The following CTNNA3 variants were observed in gnomAD, a reference collection of about 807,000 sequenced individuals.
The protein encoded by CTNNA3 is catenin alpha-3.
Under a neutral mutation model 95.7 loss-of-function variants are expected in CTNNA3, and 76 were observed. The ratio of observed to expected loss-of-function variants is 0.79; its 90% confidence interval spans 0.66 to 0.96. CTNNA3 has a LOEUF of 0.96. CTNNA3 is among the 40% of genes least tolerant of loss of function. The probability of loss-of-function intolerance (pLI) is 0.00; values close to 1 mark genes in which losing one functional copy is unlikely to be tolerated. For synonymous variants in CTNNA3, 431 were observed against 374.4 expected (o/e 1.15, Z -1.74); for missense variants, 1,191 against 1,089.8 (o/e 1.09, Z -1.31).
At chr10:66,978,592 T>C (rs1850222650) in intron 7 of CTNNA3, among the ~76,000 whole-genome samples, 1 of 140,908 alleles carries the variant, frequency 7.1e-6, no homozygotes, top group Non-Finnish European at 1.5e-5. Context: ...CTTAATATTT[T>C]TAAGGGAGTA....
intron 3 of CTNNA3, among the ~76,000 whole-genome samples, chr10:67,573,790 T>C (rs1034311794): frequency 2.0e-5 from 3 of 150,246 alleles, no homozygotes; most frequent in South Asian, 2.2e-4. Flanking sequence ...TAATACATTA[T>C]CACAATTAAA....
At chr10:67,577,516 A>G (rs1477378322) in intron 3 of CTNNA3, among the ~76,000 whole-genome samples, 1 of 151,884 alleles carries the variant, frequency 6.6e-6, no homozygotes, top group Non-Finnish European at 1.5e-5. Context: ...GCTGTGCAGA[A>G]GCTCTTTAGT....
At chr10:67,269,556 T>C (rs542454520) in intron 5 of CTNNA3, among the ~76,000 whole-genome samples, 120 of 152,252 alleles carry the variant, frequency 7.9e-4, no homozygotes, top group African/African-American at 2.6e-3. Context: ...ATAGCTCCTG[T>C]CCATCTAAAG....
chr10:67,523,481 AC>A (rs1167052595), intron 4 of CTNNA3, among the ~76,000 whole-genome samples: 2 of 152,208 alleles, frequency 1.3e-5, no homozygotes, highest in Non-Finnish European at 1.5e-5. Context: ...GGTTTTTATT[AC>A]AACATTCATG....
chr10:66,115,099 C>T (rs1026110127), intron 13 of CTNNA3, among the ~76,000 whole-genome samples: 27 of 151,980 alleles, frequency 1.8e-4, no homozygotes, highest in Admixed American at 3.9e-4. Context: ...ATTTCAAGGA[C>T]GTGTCAGCAA....
chr10:66,786,338 G>A (rs935971177), intron 7 of CTNNA3, among the ~76,000 whole-genome samples: 7 of 152,072 alleles, frequency 4.6e-5, no homozygotes, highest in Admixed American at 1.3e-4. Flanking sequence ...AAACCTGAGA[G>A]CTAGAAATAA....
chr10:66,418,676 T>C (rs772540898), intron 11 of CTNNA3, among the ~76,000 whole-genome samples: 6 of 149,810 alleles, frequency 4.0e-5, no homozygotes, highest in Non-Finnish European at 8.9e-5. Context: ...AAAAAAATAA[T>C]ACCCAATGAT....
At chr10:67,236,965 C>A (rs1865492579) in intron 5 of CTNNA3, among the ~76,000 whole-genome samples, 1 of 151,030 alleles carries the variant, frequency 6.6e-6, no homozygotes, top group Admixed American at 6.6e-5. Context: ...TTTGATCCAG[C>A]AATCCCACTA....
intron 8 of CTNNA3, 92 bp from the exon 9 acceptor site, chr10:66,766,508 T>C (rs1839865260): frequency 8.8e-7 from 1 of 1,139,092 alleles, no homozygotes; most frequent in East Asian, 2.5e-5. Flanking sequence ...ACACAACTCA[T>C]TTTTCATTTT....
chr10:66,329,187 G>A (rs1266652544), intron 12 of CTNNA3, among the ~76,000 whole-genome samples: 1 of 151,648 alleles, frequency 6.6e-6, no homozygotes, highest in Non-Finnish European at 1.5e-5. Context: ...CTGACCTCAG[G>A]TGATACACCC....
chr10:67,319,100 G>C (rs1279215343), intron 5 of CTNNA3, among the ~76,000 whole-genome samples: 5 of 152,190 alleles, frequency 3.3e-5, no homozygotes, highest in African/African-American at 1.2e-4. Flanking sequence ...AGGGTGCTGT[G>C]TGATCAGCCC....
At chr10:66,543,899 ATGTGTGTGTG>A (rs370848565) in intron 10 of CTNNA3, among the ~76,000 whole-genome samples, 10 of 40,686 alleles carry the variant, frequency 2.5e-4, no homozygotes, top group African/African-American at 7.7e-4. Flanking sequence ...CCTTCTTGAG[ATGTGTGTGTG>A]TGTATATATA....
intron 9 of CTNNA3, among the ~76,000 whole-genome samples, chr10:66,697,254 C>A (rs1847799298): frequency 6.8e-6 from 1 of 148,148 alleles, no homozygotes; most frequent in African/African-American, 2.5e-5. Context: ...TCAGATATAT[C>A]TATATATATA....
At position 66,316,826 on chromosome 10, in the gene CTNNA3, T is replaced by C. The variant is rs1479798962; in HGVS notation, c.1733-36205A>G. Among the ~76,000 whole-genome samples, 3 of 152,170 alleles carry C rather than the reference T, an allele frequency of 2.0e-5. 1 individual carries two copies. The highest frequency in any genetic ancestry group is 4.4e-5 in the Non-Finnish European group (3 of 68,016). ...AAATTTCAATTATCCAGTTGACAGA[T>C]AATTATGTTTTAAAACAAGTAATAT... On this transcript the variant is annotated intron_variant, in intron 12 of 17. Coordinates refer to ENST00000433211, the MANE Select transcript of CTNNA3 (RefSeq NM_013266.4).
At chr10:67,042,527 G>A (rs557212629) in intron 7 of CTNNA3, among the ~76,000 whole-genome samples, 1 of 152,084 alleles carries the variant, frequency 6.6e-6, no homozygotes, top group East Asian at 1.9e-4. Context: ...CATAGAGTGT[G>A]GCAGTGGATC....
intron 12 of CTNNA3, among the ~76,000 whole-genome samples, chr10:66,324,282 T>C (rs1053876591): frequency 6.6e-6 from 1 of 152,080 alleles, no homozygotes; most frequent in Non-Finnish European, 1.5e-5. Flanking sequence ...ATCATGCTAC[T>C]GTACTCCATC....
At chr10:67,085,694 AT>A (rs1857270247) in intron 7 of CTNNA3, among the ~76,000 whole-genome samples, 1 of 152,094 alleles carries the variant, frequency 6.6e-6, no homozygotes, top group Admixed American at 6.6e-5. Context: ...TGATATTTTC[AT>A]TACAAATGTA....
chr10:67,607,545 A>AAGGCAGGAG, intron 2 of CTNNA3, among the ~76,000 whole-genome samples: 1 of 152,228 alleles, frequency 6.6e-6, no homozygotes, highest in African/African-American at 2.4e-5. Flanking sequence ...GGTGGAAGGG[A>AAGGCAGGAG]AGGCAGGAGA....
At chr10:66,281,145 G>C (rs1368032393) in intron 12 of CTNNA3, among the ~76,000 whole-genome samples, 1 of 151,674 alleles carries the variant, frequency 6.6e-6, no homozygotes, top group African/African-American at 2.4e-5. Context: ...TTAGTAAGAT[G>C]TTTTCTCTAT....
Sources: allele counts gnomAD v4.1 joint callset (sites outside exome capture counted in the v4.1 genomes callset), GRCh38; gene constraint gnomAD v4.1.1; transcripts MANE v1.5; gene names NCBI Gene and HGNC (gene_info 2026-07-23, HGNC 2026-07-21).